DNAAF5: variants seen among roughly 807,000 people sequenced by gnomAD.
DNAAF5 encodes HEAT repeat containing 2.
A neutral mutation model predicts 75.8 loss-of-function variants in DNAAF5; 64 were observed. The ratio of observed to expected loss-of-function variants is 0.84; its 90% CI spans 0.69 to 1.04. The LOEUF is 1.04. Ranked by LOEUF, DNAAF5 falls within the 50% of genes least tolerant of loss-of-function variation. The pLI, the probability that DNAAF5 is intolerant of heterozygous loss-of-function variation, is 0.00. For missense variants in DNAAF5, 1,269 were observed against 1,178.5 expected (o/e 1.08, Z -1.12); for synonymous variants, 657 against 557.2 (o/e 1.18, Z -2.52).
At chr7:740,598 A>T (rs947805942) in intron 2 of DNAAF5, among the ~76,000 whole-genome samples, 2 of 152,238 alleles carry the variant, frequency 1.3e-5, no homozygotes, top group East Asian at 3.9e-4. Context: ...GCCAGGAGGG[A>T]CTGGCGGAGC....
chr7:770,303 C>T (rs1778511057), intron 8 of DNAAF5, among the ~76,000 whole-genome samples, 168 bp from the exon 9 acceptor site: 1 of 152,208 alleles, frequency 6.6e-6, no homozygotes, highest in Admixed American at 6.5e-5. Flanking sequence ...AAATTTTCTG[C>T]TGCTTTTCTG....
intron 8 of DNAAF5, among the ~76,000 whole-genome samples, chr7:766,306 A>C (rs993968157): frequency 6.6e-6 from 1 of 152,166 alleles, no homozygotes; most frequent in African/African-American, 2.4e-5. Context: ...ATGTTTTTCT[A>C]AGCTTTCTCT....
At chr7:756,578 G>A (rs892063633) in intron 5 of DNAAF5, among the ~76,000 whole-genome samples, 8 of 152,148 alleles carry the variant, frequency 5.3e-5, no homozygotes, top group Admixed American at 6.5e-5. Flanking sequence ...TGTCCGGCTC[G>A]CTGGCCTCAG....
intron 4 of DNAAF5, 29 bp downstream of exon 4, chr7:741,494 A>G: frequency 8.9e-7 from 1 of 1,120,700 alleles, no homozygotes; most frequent in East Asian, 5.2e-5. Flanking sequence ...GGGGAGCGCC[A>G]GGAGGCGAGC....
rs1201305208 is a variant in DNAAF5, at chr7:754,063, C to T, written c.1025-526C>T. Among the ~76,000 whole-genome samples the T allele has an allele frequency of 1.5e-5, 2 of 132,342 alleles. No homozygotes were observed. The highest frequency in any genetic ancestry group is 1.6e-5 in the Non-Finnish European group (1 of 61,952). The allele number at this position is 132,342 out of a possible 152,430, so 86.8% of individuals were successfully genotyped here. The stretch of plus-strand genomic sequence containing the variant: ...CATCATATGGCGATGGCTTCGCAGG[C>T]GTGTGTCTCTCTGATCATAGGGGGA... On this transcript the variant is annotated intron_variant, in intron 4 of 12. Coordinates refer to ENST00000297440, the MANE Select transcript of DNAAF5 (RefSeq NM_017802.4). This position sits in a 1 kb window ranked among gnomAD's most constrained non-coding sequence, Gnocchi z 4.8.
chr7:753,018 G>T (rs971236747), intron 4 of DNAAF5, among the ~76,000 whole-genome samples: 1 of 152,184 alleles, frequency 6.6e-6, no homozygotes, highest in African/African-American at 2.4e-5. Flanking sequence ...ATGCCACTGT[G>T]CCTCTCGGAC....
intron 9 of DNAAF5, 63 bp from the exon 10 acceptor site, chr7:773,985 C>G: frequency 6.3e-7 from 1 of 1,598,216 alleles, no homozygotes; most frequent in Non-Finnish European, 8.6e-7. Flanking sequence ...CATCCCTAGT[C>G]TGAAACGTTT....
At chr7:781,209 C>T (rs1312553541) in intron 12 of DNAAF5, among the ~76,000 whole-genome samples, 1 of 152,216 alleles carries the variant, frequency 6.6e-6, no homozygotes, top group Non-Finnish European at 1.5e-5. Context: ...TGGGAGCCAT[C>T]CTTCTGCTCT....
Position 770,832 on chromosome 7 carries a change from C to T in DNAAF5, c.1931+214C>T, listed in dbSNP as rs6460800. 220,217 of 499,604 alleles carry T rather than the reference C, an allele frequency of 0.44. 50,277 individuals carry two copies. The highest frequency in any genetic ancestry group is 0.47 in the Non-Finnish European group (130,140 of 277,472). 30.9% of individuals were successfully genotyped at this position (499,604 alleles called of 1,614,324 possible). On this transcript the variant is annotated intron_variant, in intron 9 of 12. Transcript: ENST00000297440. ...CCCCCACGCCGAGTCTAAGGTGGGCCGGGGGTCCCCACCTCCCTCCCCCAC... is the reference window on the plus strand; with the variant it reads ...CCCCCACGCCGAGTCTAAGGTGGGCTGGGGGTCCCCACCTCCCTCCCCCAC...
chr7:772,226 GT>G (rs1473397971), intron 9 of DNAAF5: 1 of 152,272 alleles, frequency 6.6e-6, no homozygotes, highest in East Asian at 1.9e-4. Context: ...GGCTTTCTGT[GT>G]CTTACCTGGG....
chr7:781,422 T>C (rs958381496), intron 12 of DNAAF5, among the ~76,000 whole-genome samples: 1 of 152,194 alleles, frequency 6.6e-6, no homozygotes, highest in Non-Finnish European at 1.5e-5. Context: ...CCTTCATCTG[T>C]CCGTGGACAC....
At chr7:746,955 A>G (rs978390754) in intron 4 of DNAAF5, among the ~76,000 whole-genome samples, 1 of 152,178 alleles carries the variant, frequency 6.6e-6, no homozygotes, top group East Asian at 1.9e-4. Context: ...AGGCTCATGC[A>G]TGGCACCTGT....
At chr7:779,164 C>T (rs1371825400) in intron 11 of DNAAF5, among the ~76,000 whole-genome samples, 1 of 152,248 alleles carries the variant, frequency 6.6e-6, no homozygotes, top group African/African-American at 2.4e-5. Context: ...TGGATCATGC[C>T]CTCCACATTG....
chr7:740,924 G>A lies in DNAAF5; in HGVS notation c.886G>A (p.Asp296Asn), dbSNP rs1382756531. The change falls in exon 3 of 13, where the codon GAC becomes AAC. Residue 296 changes from aspartate (D) to asparagine (N), a missense_variant. Transcript: ENST00000297440. The part of the protein sequence containing the change: ...LIPLLLSSLN[D>N]EVPEVRQLAA... ...CCCTCTGCTGCTCAGTAGCCTCAAC[G>A]ACGAGGTGCCTGAGGTCAGGTACGT... 18 of 1,613,612 alleles carry A rather than the reference G, an allele frequency of 1.1e-5. No homozygotes were observed. The highest frequency in any genetic ancestry group is 3.3e-5 in the South Asian group (3 of 91,080).
At chr7:751,449 G>A (rs1782289400) in intron 4 of DNAAF5, among the ~76,000 whole-genome samples, 1 of 151,956 alleles carries the variant, frequency 6.6e-6, no homozygotes, top group African/African-American at 2.4e-5. Context: ...GCAGTGAGCT[G>A]TGATCGTACC....
rs1377440284 is a variant in DNAAF5, at chr7:726,867, C to T, written c.147C>T (p.Ala49=). 6 of 1,320,414 alleles carry T rather than the reference C, an allele frequency of 4.5e-6. No individual in the cohort carries two copies. The highest frequency in any genetic ancestry group is 4.8e-6 in the Non-Finnish European group (5 of 1,037,882). 81.8% of individuals were successfully genotyped at this position (1,320,414 alleles called of 1,614,324 possible). A position where few individuals can be genotyped will look rare whatever the true frequency, so the allele number is the denominator to read the frequency against. The part of the protein sequence containing the change: ...EADSKPGRRR[A]LEALRRALEE... ...ACAGCAAGCCGGGCCGGCGGCGCGC[C>T]TTGGAGGCCCTGCGGCGCGCGCTGG... The change falls in exon 1 of 13, where the codon GCC becomes GCT. Residue 49 remains alanine (A), a synonymous_variant. Transcript: ENST00000297440.
At chr7:755,606 C>T (rs1477717597) in intron 5 of DNAAF5, among the ~76,000 whole-genome samples, 3 of 152,150 alleles carry the variant, frequency 2.0e-5, no homozygotes, top group African/African-American at 7.2e-5. Context: ...GTGGCGTGCA[C>T]CTGTGGTTCC....
chr7:755,844 T>C (rs1226798801), intron 5 of DNAAF5, among the ~76,000 whole-genome samples: 1 of 152,262 alleles, frequency 6.6e-6, no homozygotes. Context: ...AATTTAAAAT[T>C]GTCTGTAGTT....
intron 11 of DNAAF5, among the ~76,000 whole-genome samples, chr7:778,887 T>C (rs1225141998): frequency 6.6e-6 from 1 of 152,266 alleles, no homozygotes; most frequent in Non-Finnish European, 1.5e-5. Context: ...ATACCCGCTG[T>C]GCAGTGAGGG....
Sources: allele counts gnomAD v4.1 joint callset (sites outside exome capture counted in the v4.1 genomes callset), GRCh38; gene constraint gnomAD v4.1.1; non-coding constraint Gnocchi (gnomAD v3.1); transcripts MANE v1.5; gene names NCBI Gene and HGNC (gene_info 2026-07-23, HGNC 2026-07-21).